Variants in HYCC2 observed in about 807,000 individuals in gnomAD.
The protein encoded by HYCC2 is hyccin 2.
At chr2:201,051,250 T>C in the HYCC2 span, among the ~76,000 whole-genome samples, 1 of 152,170 alleles carries the variant, frequency 6.6e-6, no homozygotes. Context: ...GTAAAAAGCC[T>C]ATAGCAAGTA....
chr2:201,012,369 G>A, the HYCC2 span, among the ~76,000 whole-genome samples: 3 of 152,118 alleles, frequency 2.0e-5, no homozygotes, highest in Non-Finnish European at 4.4e-5. Context: ...GCTGAGGTGG[G>A]AGGATCCCTT....
chr2:201,027,456 T>C, the HYCC2 span, among the ~76,000 whole-genome samples: 2 of 152,116 alleles, frequency 1.3e-5, no homozygotes, highest in African/African-American at 2.4e-5. Flanking sequence ...CCTCCCTAAC[T>C]CATTTTATGA....
the HYCC2 span, among the ~76,000 whole-genome samples, chr2:201,034,730 T>C: frequency 6.6e-6 from 1 of 152,246 alleles, no homozygotes; most frequent in Non-Finnish European, 1.5e-5. Flanking sequence ...GGCATGTTTT[T>C]GCAGTGGCTG....
At chr2:201,060,874 G>A in the HYCC2 span, among the ~76,000 whole-genome samples, 1 of 152,120 alleles carries the variant, frequency 6.6e-6, no homozygotes, top group African/African-American at 2.4e-5. Flanking sequence ...TGAAAAAAGA[G>A]ATTCTACTCT....
chr2:200,987,674 G>C, the HYCC2 span: 1 of 508,342 alleles, frequency 2.0e-6, no homozygotes, highest in Non-Finnish European at 3.1e-6. Flanking sequence ...GTGTGTGCAT[G>C]CTGTGCACAC....
chr2:201,002,281 C>CA, the HYCC2 span, among the ~76,000 whole-genome samples: 22,731 of 82,412 alleles, frequency 0.28, 2,199 homozygotes, highest in Middle Eastern at 0.36. Flanking sequence ...ACCAATCAGC[C>CA]AAAAAAAAAA....
the HYCC2 span, among the ~76,000 whole-genome samples, chr2:200,992,663 T>C: frequency 6.6e-6 from 1 of 152,224 alleles, no homozygotes; most frequent in Non-Finnish European, 1.5e-5. Flanking sequence ...GAGATAGTTT[T>C]CCATACAGAA....
the HYCC2 span, among the ~76,000 whole-genome samples, chr2:201,068,798 T>C: frequency 6.6e-6 from 1 of 152,214 alleles, no homozygotes; most frequent in Non-Finnish European, 1.5e-5. Context: ...CAGAGCTTTC[T>C]GTGCTGGCTC....
the HYCC2 span, chr2:201,022,891 T>C: frequency 6.2e-7 from 1 of 1,613,826 alleles, no homozygotes. Context: ...TTTTCCGGTG[T>C]AAAGTTGCTG....
chr2:201,027,410 T>C, the HYCC2 span, among the ~76,000 whole-genome samples: 2 of 152,140 alleles, frequency 1.3e-5, no homozygotes, highest in Admixed American at 6.5e-5. Flanking sequence ...CACCATTCCT[T>C]CTAAAACTAT....
chr2:200,985,218 G>C, the HYCC2 span, among the ~76,000 whole-genome samples: 2 of 152,160 alleles, frequency 1.3e-5, no homozygotes, highest in African/African-American at 4.8e-5. Flanking sequence ...GTCCAAAGAG[G>C]AGACATCTGA....
chr2:201,003,018 T>C, the HYCC2 span, among the ~76,000 whole-genome samples: 3 of 152,156 alleles, frequency 2.0e-5, no homozygotes, highest in African/African-American at 7.2e-5. Context: ...AATGGAATAA[T>C]AACTCATCAT....
the HYCC2 span, among the ~76,000 whole-genome samples, chr2:200,985,289 A>T: frequency 6.6e-6 from 1 of 152,070 alleles, no homozygotes; most frequent in African/African-American, 2.4e-5. Context: ...CCAAGAAGCT[A>T]TGAAATGGAT....
chr2:201,060,291 C>T, the HYCC2 span, among the ~76,000 whole-genome samples: 28 of 152,164 alleles, frequency 1.8e-4, no homozygotes, highest in Admixed American at 7.2e-4. Flanking sequence ...GATCCTTACT[C>T]CACTCTCACT....
At chr2:201,006,636 C>A in the HYCC2 span, among the ~76,000 whole-genome samples, 1 of 152,058 alleles carries the variant, frequency 6.6e-6, no homozygotes, top group Admixed American at 6.6e-5. Context: ...TGAGTGACTT[C>A]TCTCTGGGAG....
At chr2:201,014,310 T>C in the HYCC2 span, among the ~76,000 whole-genome samples, 9 of 48,254 alleles carry the variant, frequency 1.9e-4, no homozygotes, top group East Asian at 6.0e-4. Flanking sequence ...GTAAGCACTA[T>C]AGGAAACACA....
chr2:200,976,504 A>G, the HYCC2 span: 1 of 152,330 alleles, frequency 6.6e-6, no homozygotes, highest in East Asian at 1.9e-4. Context: ...CAACAACTGA[A>G]GTACTCAAAA....
At chr2:201,022,819 G>A in the HYCC2 span, 4 of 1,495,996 alleles carry the variant, frequency 2.7e-6, no homozygotes, top group Non-Finnish European at 3.7e-6. Context: ...TATTTTTCTT[G>A]AGGTCTCCTA....
At chr2:201,061,040 A>C in the HYCC2 span, among the ~76,000 whole-genome samples, 1 of 152,102 alleles carries the variant, frequency 6.6e-6, no homozygotes, top group Non-Finnish European at 1.5e-5. Flanking sequence ...AAATTACATG[A>C]AAATAATGGG....
Sources: allele counts gnomAD v4.1 joint callset (sites outside exome capture counted in the v4.1 genomes callset), GRCh38; gene constraint gnomAD v4.1.1; transcripts MANE v1.5; gene names NCBI Gene and HGNC (gene_info 2026-07-23, HGNC 2026-07-21).